FAM220A: variants seen among roughly 807,000 people sequenced by gnomAD.
FAM220A encodes family with sequence similarity 220 member A.
For synonymous variants in FAM220A, 141 were observed against 130.7 expected (o/e 1.08, Z -0.54); for missense variants, 392 against 321.6 (o/e 1.22, Z -1.68).
intron 1 of FAM220A, among the ~76,000 whole-genome samples, chr7:6,336,934 G>A (rs943934043): frequency 2.0e-5 from 3 of 152,248 alleles, no homozygotes; most frequent in East Asian, 1.9e-4. Context: ...AATTACAGGC[G>A]TGAGCCACCA....
chr7:6,348,240 G>A (rs907004914), intron 1 of FAM220A, among the ~76,000 whole-genome samples: 1 of 150,722 alleles, frequency 6.6e-6, no homozygotes, highest in Non-Finnish European at 1.5e-5. Flanking sequence ...TAAGGGGGGG[G>A]GTTGCAAAGT....
At chr7:6,333,644 A>G (rs1296376087) in intron 1 of FAM220A, among the ~76,000 whole-genome samples, 1 of 150,624 alleles carries the variant, frequency 6.6e-6, no homozygotes, top group Non-Finnish European at 1.5e-5. Flanking sequence ...GATTACAGGC[A>G]GGCACCACCA....
chr7:6,332,827 ACT>A (rs1781663495), intron 1 of FAM220A, among the ~76,000 whole-genome samples: 1 of 151,880 alleles, frequency 6.6e-6, no homozygotes, highest in South Asian at 2.1e-4. Flanking sequence ...GAACTAGGAG[ACT>A]CTTAATGCTA....
At chr7:6,341,673 G>A (rs1422929233) in intron 1 of FAM220A, among the ~76,000 whole-genome samples, 3 of 147,512 alleles carry the variant, frequency 2.0e-5, no homozygotes, top group Middle Eastern at 7.0e-3. Context: ...CTGGGCCACA[G>A]AGCAAGACTC....
Position 6,330,894 on chromosome 7 carries a change from T to C in FAM220A, c.261A>G (p.Arg87=). 1.2e-6 allele frequency: 2 copies of C among 1,614,194 alleles called. No homozygotes were observed. Among genetic ancestry groups the C allele is most frequent in the South Asian group, 2.2e-5 (2 of 91,086 alleles). The change falls in exon 2 of 2, where the codon AGA becomes AGG. Residue 87 remains arginine (R), a synonymous_variant. Transcript: ENST00000313324. ...AGGCTGGATTTCTTCTTACTGATTC[T>C]CTCACATATGGAAGCACTGGGCCGC... ...HSGGPVLPYV[R]ESVRRNPASA...
At chr7:6,337,852 G>A (rs1441499114) in intron 1 of FAM220A, among the ~76,000 whole-genome samples, 1 of 151,420 alleles carries the variant, frequency 6.6e-6, no homozygotes. Flanking sequence ...CACCCAGGCT[G>A]GAGTGCAGTG....
At chr7:6,331,825 C>G (rs1465053311) in intron 1 of FAM220A, among the ~76,000 whole-genome samples, 2 of 150,376 alleles carry the variant, frequency 1.3e-5, no homozygotes, top group Middle Eastern at 3.3e-3. Flanking sequence ...ACTGCAACCA[C>G]TACCTCTCAG....
intron 1 of FAM220A, among the ~76,000 whole-genome samples, chr7:6,345,012 A>G (rs1302000115): frequency 1.3e-5 from 2 of 151,990 alleles, no homozygotes; most frequent in African/African-American, 4.8e-5. Context: ...AAGTGCTGGG[A>G]TTTACAGGCG....
chr7:6,330,159 A>G lies in FAM220A; in HGVS notation c.*216T>C. On this transcript the variant is annotated 3_prime_UTR_variant, in exon 2 of 2. Transcript: ENST00000313324. ...CTCCTGAAATGTTTCCCAATTCTTT[A>G]TATGTCTTTTAAAGCACAATTTAAC... The G allele has an allele frequency of 3.5e-6, 2 of 567,680 alleles. No individual in the cohort carries two copies. The highest frequency in any genetic ancestry group is 4.6e-5 in the South Asian group (2 of 43,316). The allele number at this position is 567,680 out of a possible 1,614,324, so 35.2% of individuals were successfully genotyped here.
chr7:6,345,022 G>T (rs10235108), intron 1 of FAM220A, among the ~76,000 whole-genome samples: 11,850 of 152,112 alleles, frequency 0.078, 1,162 homozygotes, highest in East Asian at 0.51. Flanking sequence ...ATTTACAGGC[G>T]TAAATCCCAC....
intron 1 of FAM220A, among the ~76,000 whole-genome samples, chr7:6,337,073 C>CTTTTTT (rs1223883811): frequency 1.4e-5 from 2 of 144,888 alleles, no homozygotes; most frequent in African/African-American, 5.0e-5. Flanking sequence ...TATTTTAATT[C>CTTTTTT]TTTTTTTTTT....
intron 1 of FAM220A, among the ~76,000 whole-genome samples, chr7:6,338,074 G>A (rs555659456): frequency 1.4e-4 from 22 of 152,204 alleles, no homozygotes; most frequent in East Asian, 3.9e-4. Flanking sequence ...AAAGCACTGC[G>A]ATTACAGGCG....
intron 1 of FAM220A, among the ~76,000 whole-genome samples, chr7:6,343,441 T>C (rs1052411292): frequency 9.7e-6 from 1 of 102,926 alleles, no homozygotes; most frequent in Non-Finnish European, 1.9e-5. Context: ...TATATATATA[T>C]ATATGATCTA....
chr7:6,333,949 C>T (rs1426244254), intron 1 of FAM220A, among the ~76,000 whole-genome samples: 1 of 150,574 alleles, frequency 6.6e-6, no homozygotes, highest in Non-Finnish European at 1.5e-5. Flanking sequence ...CGGGTTCACG[C>T]CATTCTCCTG....
chr7:6,344,898 T>C (rs868383399), intron 1 of FAM220A, among the ~76,000 whole-genome samples: 1 of 151,012 alleles, frequency 6.6e-6, no homozygotes, highest in African/African-American at 2.4e-5. Context: ...CATGCCGCCA[T>C]GCCCGGCTAA....
intron 1 of FAM220A, among the ~76,000 whole-genome samples, chr7:6,343,008 G>A (rs1781890755): frequency 6.6e-6 from 1 of 150,686 alleles, no homozygotes; most frequent in South Asian, 2.1e-4. Flanking sequence ...CTGCACTCCA[G>A]CCTGGATGAC....
intron 1 of FAM220A, among the ~76,000 whole-genome samples, chr7:6,333,480 C>G (rs6967966): frequency 0.015 from 2,348 of 152,230 alleles, 77 homozygotes; most frequent in African/African-American, 0.053. Flanking sequence ...TAAGGAGGGA[C>G]AGACTAAAGT....
intron 1 of FAM220A, among the ~76,000 whole-genome samples, chr7:6,338,447 G>T (rs1044206771): frequency 6.6e-6 from 1 of 152,162 alleles, no homozygotes; most frequent in African/African-American, 2.4e-5. Context: ...ATGATGGAAG[G>T]AGTCTTCAAG....
At chr7:6,343,439 T>C (rs1785190133) in intron 1 of FAM220A, among the ~76,000 whole-genome samples, 1 of 106,038 alleles carries the variant, frequency 9.4e-6, no homozygotes, top group Admixed American at 1.0e-4. Context: ...TATATATATA[T>C]ATATATGATC....
Sources: allele counts gnomAD v4.1 joint callset (sites outside exome capture counted in the v4.1 genomes callset), GRCh38; gene constraint gnomAD v4.1.1; transcripts MANE v1.5; gene names NCBI Gene and HGNC (gene_info 2026-07-23, HGNC 2026-07-21).